Variants in AKAIN1 observed in about 807,000 individuals in gnomAD.
AKAIN1 encodes A-kinase anchor protein inhibitor 1.
Under a neutral mutation model 3.7 loss-of-function variants are expected in AKAIN1, and 3 were observed. The ratio of observed to expected loss-of-function variants is 0.82; its 90% CI spans 0.37 to 2.12. The LOEUF is 2.12. Ranked by LOEUF, AKAIN1 falls within the 30% of genes most tolerant of loss-of-function variation. AKAIN1 has a pLI of 0.06. For missense variants in AKAIN1, 82 were observed against 82.7 expected (o/e 0.99, Z 0.03); for synonymous variants, 31 against 30.8 (o/e 1.01, Z -0.02).
intron 1 of AKAIN1, among the ~76,000 whole-genome samples, chr18:5,177,394 T>G (rs987998829): frequency 3.3e-5 from 5 of 152,108 alleles, no homozygotes; most frequent in African/African-American, 1.2e-4. Context: ...AAGTTTCTGA[T>G]TTCAAGCCAA....
intron 1 of AKAIN1, among the ~76,000 whole-genome samples, chr18:5,176,813 C>T (rs1017054448): frequency 1.3e-5 from 2 of 152,072 alleles, no homozygotes; most frequent in Admixed American, 6.5e-5. Flanking sequence ...CTAAGAAAAA[C>T]TAACTCCCTT....
chr18:5,175,443 TTC>T (rs1046846677), intron 1 of AKAIN1, among the ~76,000 whole-genome samples: 2 of 152,170 alleles, frequency 1.3e-5, no homozygotes, highest in Admixed American at 6.5e-5. Flanking sequence ...CCCTATCATG[TTC>T]TTTCTTGCTC....
chr18:5,157,524 C>CA (rs1216084605), intron 1 of AKAIN1, among the ~76,000 whole-genome samples: 2 of 152,146 alleles, frequency 1.3e-5, no homozygotes, highest in African/African-American at 4.8e-5. Flanking sequence ...CATGTGTGAC[C>CA]AGTCCCTGTC....
chr18:5,172,286 C>T (rs1352334048), intron 1 of AKAIN1, among the ~76,000 whole-genome samples: 1 of 151,936 alleles, frequency 6.6e-6, no homozygotes, highest in East Asian at 1.9e-4. Flanking sequence ...TTTAGTTGTA[C>T]ATTTTAAAAT....
intron 1 of AKAIN1, among the ~76,000 whole-genome samples, chr18:5,173,697 T>C (rs962590064): frequency 8.5e-5 from 13 of 152,116 alleles, no homozygotes; most frequent in African/African-American, 3.1e-4. Context: ...GGAGATGATG[T>C]TCAAAGAATC....
At chr18:5,171,498 A>G (rs2143349189) in intron 1 of AKAIN1, among the ~76,000 whole-genome samples, 1 of 152,308 alleles carries the variant, frequency 6.6e-6, no homozygotes, top group East Asian at 1.9e-4. Context: ...ACTGGAAAAA[A>G]ATCTAATAAT....
At chr18:5,185,208 A>C (rs1197434351) in intron 1 of AKAIN1, among the ~76,000 whole-genome samples, 6 of 152,226 alleles carry the variant, frequency 3.9e-5, no homozygotes. Flanking sequence ...AATGGATTAA[A>C]GACTTATATG....
intron 1 of AKAIN1, among the ~76,000 whole-genome samples, chr18:5,184,022 AC>A (rs2071273708): frequency 6.6e-6 from 1 of 152,080 alleles, no homozygotes; most frequent in Non-Finnish European, 1.5e-5. Context: ...GAAATCACTA[AC>A]AAAAAACACC....
At chr18:5,148,416 A>C (rs777456257) in intron 1 of AKAIN1, among the ~76,000 whole-genome samples, 3 of 152,242 alleles carry the variant, frequency 2.0e-5, no homozygotes, top group African/African-American at 4.8e-5. Flanking sequence ...GAGGGCAAGC[A>C]ATTTCTTTTT....
chr18:5,197,183 G>C lies in AKAIN1; in HGVS notation c.-130C>G. ...GGGCGGGCGGCGGGCGGGGCGGTCA[G>C]CACCCCGGACAGCTCCCGCCGCTAG... On this transcript the variant is annotated 5_prime_UTR_variant, in exon 1 of 2. Coordinates refer to ENST00000434239, the MANE Select transcript of AKAIN1 (RefSeq NM_001145194.2). This position sits in a 1 kb window ranked among gnomAD's most constrained non-coding sequence, Gnocchi z 6.9. 6.7e-7 allele frequency: 1 copy of C among 1,494,194 alleles called. No individual in the cohort carries two copies. The highest frequency in any genetic ancestry group is 8.9e-7 in the Non-Finnish European group (1 of 1,125,948). 92.6% of individuals were successfully genotyped at this position (1,494,194 alleles called of 1,614,324 possible). A position where few individuals can be genotyped will look rare whatever the true frequency, so the allele number is the denominator to read the frequency against.
intron 1 of AKAIN1, among the ~76,000 whole-genome samples, chr18:5,150,278 A>G (rs1003244780): frequency 2.0e-5 from 3 of 152,246 alleles, no homozygotes; most frequent in African/African-American, 7.2e-5. Context: ...GAGGAAGTAC[A>G]CTACAACCAA....
At chr18:5,194,548 TC>T (rs1326754850) in intron 1 of AKAIN1, among the ~76,000 whole-genome samples, 1 of 152,186 alleles carries the variant, frequency 6.6e-6, no homozygotes, top group East Asian at 1.9e-4. Flanking sequence ...TCTACAAATA[TC>T]TGTCACTCTT....
chr18:5,147,722 C>T (rs2071057105), intron 1 of AKAIN1, among the ~76,000 whole-genome samples: 2 of 152,138 alleles, frequency 1.3e-5, no homozygotes, highest in African/African-American at 2.4e-5. Flanking sequence ...GAGGGATTTG[C>T]AATCTAGTGA....
intron 1 of AKAIN1, among the ~76,000 whole-genome samples, chr18:5,189,195 AT>A (rs2071304755): frequency 6.6e-6 from 1 of 152,100 alleles, no homozygotes; most frequent in African/African-American, 2.4e-5. Context: ...CCCCAAAACC[AT>A]TCTGCCCTCT....
At chr18:5,197,576 G>C (rs2071357422), upstream of AKAIN1, 2 of 896,372 alleles carry the variant, frequency 2.2e-6, no homozygotes, top group Non-Finnish European at 2.9e-6. The surrounding 1 kb of genome is among the most constrained non-coding windows in gnomAD (Gnocchi z 6.9). Flanking sequence ...GGGCTGGCTC[G>C]AATAGAGGGG....
chr18:5,178,429 A>T (rs577157596), intron 1 of AKAIN1, among the ~76,000 whole-genome samples: 25 of 152,264 alleles, frequency 1.6e-4, no homozygotes, highest in Admixed American at 1.4e-3. Flanking sequence ...GCAATCCTGC[A>T]GAGCTGCCAA....
At chr18:5,185,466 C>T (rs1397521774) in intron 1 of AKAIN1, among the ~76,000 whole-genome samples, 2 of 152,052 alleles carry the variant, frequency 1.3e-5, no homozygotes, top group Non-Finnish European at 2.9e-5. Context: ...GGTCTAATAT[C>T]CAGAATCTAC....
chr18:5,194,685 G>A (rs1355038629), intron 1 of AKAIN1, among the ~76,000 whole-genome samples: 1 of 152,182 alleles, frequency 6.6e-6, no homozygotes, highest in Non-Finnish European at 1.5e-5. Context: ...AAGCTACAAT[G>A]TGTTTTGAAG....
At chr18:5,186,739 A>G (rs72870845) in intron 1 of AKAIN1, among the ~76,000 whole-genome samples, 2,718 of 152,278 alleles carry the variant, frequency 0.018, 38 homozygotes, top group Non-Finnish European at 0.029. Flanking sequence ...TAAAATATAC[A>G]TTGTTTTAAA....
Sources: gnomAD v4.1 joint callset for allele counts (sites outside exome capture counted in the v4.1 genomes callset) on GRCh38, gnomAD v4.1.1 for gene constraint, Gnocchi (gnomAD v3.1) non-coding constraint, MANE v1.5 for transcripts, NCBI Gene and HGNC (gene_info 2026-07-23, HGNC 2026-07-21) for gene names.